The following GRM8 variants were observed in gnomAD, a reference collection of about 807,000 sequenced individuals.
GRM8 encodes the protein glutamate metabotropic receptor 8, also known as metabotropic glutamate receptor 8.
GRM8 carries 47 observed loss-of-function variants against 87.2 expected under a neutral mutation model. The ratio of observed to expected loss-of-function variants is 0.54; its 90% CI spans 0.43 to 0.69. The LOEUF (loss-of-function observed/expected upper bound fraction) is 0.69. Among genes scored for constraint, GRM8 ranks in the 30% least tolerant of loss-of-function variants. The probability of loss-of-function intolerance (pLI) is 0.00; values close to 1 mark genes in which losing one functional copy is unlikely to be tolerated. For missense variants in GRM8, 1,019 were observed against 1,139.2 expected, an observed-to-expected ratio of 0.89 and a Z score of 1.52; for synonymous variants, 396 against 404.5, an observed-to-expected ratio of 0.98 and a Z score of 0.25.
intron 9 of GRM8, among the ~76,000 whole-genome samples, chr7:126,471,541 T>C (rs981002606): frequency 1.3e-5 from 2 of 152,040 alleles, no homozygotes; most frequent in Admixed American, 6.6e-5. Context: ...TTCTCTTCCA[T>C]TGATCTATAT....
At chr7:126,896,517 C>A (rs1013434263) in intron 6 of GRM8, among the ~76,000 whole-genome samples, 4 of 152,040 alleles carry the variant, frequency 2.6e-5, no homozygotes, top group African/African-American at 7.2e-5. Flanking sequence ...GGTCTCTATG[C>A]GTCCTGAGTG....
chr7:126,559,547 T>C (rs1053837556), intron 8 of GRM8, among the ~76,000 whole-genome samples: 1 of 152,194 alleles, frequency 6.6e-6, no homozygotes, highest in African/African-American at 2.4e-5. Context: ...TCAAACCTCG[T>C]CTCAATTACT....
intron 6 of GRM8, chr7:126,870,598 A>G: frequency 6.6e-6 from 1 of 152,190 alleles, no homozygotes; most frequent in East Asian, 1.9e-4. Context: ...AGCCTGAAAA[A>G]AGGGAAAGCA....
At chr7:126,831,424 A>T (rs970473309) in intron 6 of GRM8, among the ~76,000 whole-genome samples, 1 of 152,100 alleles carries the variant, frequency 6.6e-6, no homozygotes, top group African/African-American at 2.4e-5. Context: ...CCCCTCCCCC[A>T]GCCTCGCCAC....
intron 7 of GRM8, among the ~76,000 whole-genome samples, chr7:126,647,025 G>A (rs1051961333): frequency 6.6e-6 from 1 of 152,038 alleles, no homozygotes; most frequent in African/African-American, 2.4e-5. Flanking sequence ...TGACTTTTAG[G>A]GGGTGATTCT....
rs67131936 is a variant in GRM8, at chr7:126,788,409, C to CAAAAAAAAAAAAAAAAAAAAAAA, written c.1157-18345_1157-18344insTTTTTTTTTTTTTTTTTTTTTTT. Among the ~76,000 whole-genome samples, 25 of 10,780 alleles carry CAAAAAAAAAAAAAAAAAAAAAAA rather than the reference C, an allele frequency of 2.3e-3. 2 individuals are homozygous for CAAAAAAAAAAAAAAAAAAAAAAA. Among genetic ancestry groups the CAAAAAAAAAAAAAAAAAAAAAAA allele is most frequent in the African/African-American group, 4.1e-3 (15 of 3,630 alleles). The allele number at this position is 10,780 out of a possible 152,430, so 7.1% of individuals were successfully genotyped here. On this transcript the variant is annotated intron_variant, in intron 6 of 10. Transcript: ENST00000339582. ...TGGGTATCAGAGCAAGACTCCATCTCAAAAAAAAAAAAAACCCTTTCAGAT... is the reference window on the plus strand; with the variant it reads ...TGGGTATCAGAGCAAGACTCCATCTCAAAAAAAAAAAAAAAAAAAAAAAAAAAAAAAAAAAAACCCTTTCAGAT...
intron 9 of GRM8, among the ~76,000 whole-genome samples, chr7:126,461,785 A>C (rs1803923359): frequency 6.6e-6 from 1 of 151,666 alleles, no homozygotes; most frequent in Non-Finnish European, 1.5e-5. Flanking sequence ...AATCTTCAAT[A>C]CTGTGTTTAG....
intron 8 of GRM8, among the ~76,000 whole-genome samples, chr7:126,598,831 T>C (rs1218945972): frequency 1.3e-5 from 2 of 152,090 alleles, no homozygotes; most frequent in Non-Finnish European, 2.9e-5. Context: ...AATGTTCTCA[T>C]GGTATATGAG....
intron 9 of GRM8, among the ~76,000 whole-genome samples, chr7:126,506,686 C>T (rs904987899): frequency 2.0e-5 from 3 of 151,156 alleles, no homozygotes; most frequent in Admixed American, 6.6e-5. Context: ...GGCTGAAGCA[C>T]GAGAATCACT....
chr7:126,637,054 A>C lies in GRM8; in HGVS notation c.1358-27556T>G, dbSNP rs538758835. On this transcript the variant is annotated intron_variant, in intron 7 of 10. Transcript: ENST00000339582. ...CATTGGAGAGGAGGAAAAAAATAAC[A>C]CTTTATTGGCCCATTGTCAAGTTCA... Among the ~76,000 whole-genome samples the C allele has an allele frequency of 2.4e-3, 368 of 152,204 alleles. 2 individuals are homozygous for C. The highest frequency in any genetic ancestry group is 4.4e-3 in the Non-Finnish European group (300 of 67,952).
intron 6 of GRM8, among the ~76,000 whole-genome samples, chr7:126,829,973 G>C (rs959191121): frequency 3.3e-5 from 5 of 151,986 alleles, no homozygotes; most frequent in African/African-American, 1.2e-4. Flanking sequence ...GCTTAGTTTG[G>C]CTGAATATGA....
intron 6 of GRM8, among the ~76,000 whole-genome samples, chr7:126,817,837 A>C (rs1309997278): frequency 3.3e-5 from 5 of 152,190 alleles, no homozygotes; most frequent in South Asian, 4.1e-4. Context: ...GGATAAAATG[A>C]AAATATCATA....
intron 6 of GRM8, 129 bp downstream of exon 6, chr7:126,902,412 AC>A (rs1426662985): frequency 1.3e-6 from 1 of 742,264 alleles, no homozygotes; most frequent in Non-Finnish European, 2.1e-6. Flanking sequence ...GCCCTGAGAC[AC>A]TATAACAAAA....
chr7:126,691,442 G>A (rs1480580014), intron 7 of GRM8, among the ~76,000 whole-genome samples: 8 of 152,144 alleles, frequency 5.3e-5, no homozygotes, highest in South Asian at 2.1e-4. Context: ...GTCCGCAGCC[G>A]CAGCTAGGTC....
intron 2 of GRM8, among the ~76,000 whole-genome samples, chr7:127,132,941 T>G (rs1220079598): frequency 6.6e-6 from 1 of 152,166 alleles, no homozygotes; most frequent in Non-Finnish European, 1.5e-5. Context: ...AAGAATTTAA[T>G]TAGTCCCATA....
At chr7:126,470,233 A>C (rs1173918234) in intron 9 of GRM8, among the ~76,000 whole-genome samples, 1 of 151,832 alleles carries the variant, frequency 6.6e-6, no homozygotes, top group African/African-American at 2.4e-5. Flanking sequence ...GTACATGTGC[A>C]CAATGTGCAG....
intron 6 of GRM8, among the ~76,000 whole-genome samples, chr7:126,861,810 A>G (rs1045976814): frequency 6.6e-6 from 1 of 151,680 alleles, no homozygotes; most frequent in African/African-American, 2.4e-5. Context: ...TTTTATTTTC[A>G]TTTGTTTTGT....
Position 126,732,818 on chromosome 7 carries a change from T to C in GRM8, c.1357+37047A>G, listed in dbSNP as rs190019145. ...TTCAAGATATGGAAAATCTGAATTTTCTTAAGAATAGTTTAGGAATAAAAA... is the reference window on the plus strand; with the variant it reads ...TTCAAGATATGGAAAATCTGAATTTCCTTAAGAATAGTTTAGGAATAAAAA... On this transcript the variant is annotated intron_variant, in intron 7 of 10. Coordinates refer to ENST00000339582, the MANE Select transcript of GRM8 (RefSeq NM_000845.3). Among the ~76,000 whole-genome samples the C allele has an allele frequency of 6.0e-3, 917 of 152,240 alleles. 7 individuals carry two copies. The highest frequency in any genetic ancestry group is 0.021 in the African/African-American group (880 of 41,554).
At position 126,454,985 on chromosome 7, in the gene GRM8, G is replaced by A. The variant is rs73442995; in HGVS notation, c.2431-8613C>T. On this transcript the variant is annotated intron_variant, in intron 9 of 10. Transcript: ENST00000339582. Reference sequence around the variant, plus strand: ...TCACTGAAAAAGTTCTGAAAGTTCTGTGATAGTAGTTGGTTGTGGTTAAAT... The same window carrying A: ...TCACTGAAAAAGTTCTGAAAGTTCTATGATAGTAGTTGGTTGTGGTTAAAT... 3.5e-3 allele frequency among the ~76,000 whole-genome samples: 534 copies of A among 151,800 alleles called. 3 individuals carry two copies. Among genetic ancestry groups the A allele is most frequent in the African/African-American group, 0.012 (496 of 41,500 alleles).
Sources: allele counts gnomAD v4.1 joint callset (sites outside exome capture counted in the v4.1 genomes callset), GRCh38; gene constraint gnomAD v4.1.1; transcripts MANE v1.5; gene names NCBI Gene and HGNC (gene_info 2026-07-23, HGNC 2026-07-21).